PSPC1: variants seen among roughly 807,000 people sequenced by gnomAD.
PSPC1 encodes paraspeckle protein 1.
Under a neutral mutation model 51.6 loss-of-function variants are expected in PSPC1, and 14 were observed. That is an observed-to-expected ratio of 0.27 (90% confidence interval 0.18 to 0.42). PSPC1 has a LOEUF of 0.42. PSPC1 is among the 10% of genes least tolerant of loss of function. PSPC1 has a pLI of 1.00. For synonymous variants in PSPC1, 193 were observed against 231.9 expected, an observed-to-expected ratio of 0.83 and a Z score of 1.53; for missense variants, 406 against 701.1, an observed-to-expected ratio of 0.58 and a Z score of 4.75.
chr13:19,736,865 T>G (rs994315768), intron 5 of PSPC1: 1 of 152,176 alleles, frequency 6.6e-6, no homozygotes, highest in African/African-American at 2.4e-5. Context: ...AATATTATAA[T>G]TAACTATAGA....
intron 4 of PSPC1, among the ~76,000 whole-genome samples, chr13:19,750,820 A>G (rs1886470227): frequency 6.6e-6 from 1 of 151,760 alleles, no homozygotes; most frequent in Admixed American, 6.6e-5. Flanking sequence ...CCCAGGCTGG[A>G]GCACAATGAT....
At chr13:19,690,867 G>A (rs1295774382) in intron 6 of PSPC1, among the ~76,000 whole-genome samples, 2 of 151,982 alleles carry the variant, frequency 1.3e-5, no homozygotes, top group Non-Finnish European at 2.9e-5. Flanking sequence ...CTATTTACTC[G>A]TCCTCCCTGC....
intron 6 of PSPC1, among the ~76,000 whole-genome samples, chr13:19,720,900 C>A (rs950984691): frequency 6.6e-6 from 1 of 152,042 alleles, no homozygotes; most frequent in African/African-American, 2.4e-5. Flanking sequence ...CAATCTAACT[C>A]AAATAAGTAA....
intron 6 of PSPC1, among the ~76,000 whole-genome samples, chr13:19,695,980 G>A (rs1190389625): frequency 1.3e-5 from 2 of 152,082 alleles, no homozygotes; most frequent in Admixed American, 6.6e-5. Flanking sequence ...AGCCACCATG[G>A]GGTAGAAGCA....
intron 6 of PSPC1, among the ~76,000 whole-genome samples, chr13:19,723,776 C>A (rs1883050112): frequency 6.6e-6 from 1 of 152,050 alleles, no homozygotes; most frequent in South Asian, 2.1e-4. Flanking sequence ...CAATTATGTA[C>A]CGTGCCAAAT....
intron 7 of PSPC1, chr13:19,677,624 A>T (rs1195346406): frequency 2.6e-6 from 1 of 392,038 alleles, no homozygotes; most frequent in Non-Finnish European, 5.0e-6. Flanking sequence ...TCTTCATTAC[A>T]GTCCACAGAA....
chr13:19,720,888 A>T (rs1882689069), intron 6 of PSPC1, among the ~76,000 whole-genome samples: 1 of 152,144 alleles, frequency 6.6e-6, no homozygotes. Context: ...AATTATAATT[A>T]TCAATCTAAC....
chr13:19,719,732 A>G (rs1399547880), intron 6 of PSPC1, among the ~76,000 whole-genome samples: 1 of 152,250 alleles, frequency 6.6e-6, no homozygotes, highest in Non-Finnish European at 1.5e-5. Context: ...CTGTTTTTTA[A>G]TACATAGGGT....
intron 4 of PSPC1, among the ~76,000 whole-genome samples, chr13:19,750,443 AAAAC>A (rs1886419763): frequency 1.9e-5 from 2 of 105,986 alleles, no homozygotes; most frequent in South Asian, 4.0e-4. Flanking sequence ...AAAAAAACAA[AAAAC>A]AAACAAACAA....
chr13:19,683,341 C>G (rs1398138136), intron 6 of PSPC1, among the ~76,000 whole-genome samples: 1 of 152,160 alleles, frequency 6.6e-6, no homozygotes, highest in African/African-American at 2.4e-5. Context: ...GAATGAGAAC[C>G]ACGTACTGAT....
intron 3 of PSPC1, among the ~76,000 whole-genome samples, chr13:19,758,970 T>A (rs1289169901): frequency 2.0e-5 from 3 of 151,820 alleles, no homozygotes; most frequent in Admixed American, 1.3e-4. Flanking sequence ...AAAAAATTAG[T>A]ATGTTTTACC....
chr13:19,757,398 G>A (rs1245692581), intron 3 of PSPC1, among the ~76,000 whole-genome samples: 1 of 152,050 alleles, frequency 6.6e-6, no homozygotes, highest in Non-Finnish European at 1.5e-5. Context: ...CGAGAGTTCC[G>A]TGATCCCCAA....
At chr13:19,674,344 T>C (rs761260405), downstream of PSPC1, among the ~76,000 whole-genome samples, 21 of 152,234 alleles carry the variant, frequency 1.4e-4, no homozygotes, top group Non-Finnish European at 2.1e-4. Flanking sequence ...GAAAAACTAT[T>C]CCATTTTTAT....
At chr13:19,684,259 T>C (rs995884221) in intron 6 of PSPC1, among the ~76,000 whole-genome samples, 3 of 152,210 alleles carry the variant, frequency 2.0e-5, no homozygotes, top group Admixed American at 1.3e-4. Flanking sequence ...AGAAAAAAAC[T>C]ACCATTGATC....
chr13:19,677,043 G>T (rs536055289), intron 7 of PSPC1, among the ~76,000 whole-genome samples: 1 of 152,018 alleles, frequency 6.6e-6, no homozygotes, highest in Non-Finnish European at 1.5e-5. Context: ...GACCATCCTG[G>T]CTAACACAGT....
chr13:19,713,711 A>G (rs980436263), intron 6 of PSPC1, among the ~76,000 whole-genome samples: 2 of 152,186 alleles, frequency 1.3e-5, no homozygotes, highest in African/African-American at 4.8e-5. Context: ...TTAACAGATG[A>G]CCAAAAAAGG....
Position 19,703,364 on chromosome 13 carries a change from TGA to T in PSPC1, c.1387-6_1387-5del. ...CTTGAGGAAATCTGTCATTGTGCTA[TGA>T]TACCACACAATAAGGAATAGAATAT... is the stretch of plus-strand genomic sequence containing the variant. On this transcript the variant is annotated splice_polypyrimidine_tract_variant and splice_region_variant and intron_variant, in intron 8 of 8. Coordinates refer to ENST00000338910, the MANE Select transcript of PSPC1 (RefSeq NM_001354909.2). 6.3e-7 allele frequency: 1 copy of T among 1,582,302 alleles called. No individual in the cohort carries two copies. Among genetic ancestry groups the T allele is most frequent in the South Asian group, 1.1e-5 (1 of 89,902 alleles).
intron 6 of PSPC1, among the ~76,000 whole-genome samples, chr13:19,696,711 G>A (rs1487872960): frequency 6.6e-6 from 1 of 152,158 alleles, no homozygotes; most frequent in Non-Finnish European, 1.5e-5. Context: ...ATGAGGGTAA[G>A]TAAAGACAGG....
intron 7 of PSPC1, among the ~76,000 whole-genome samples, chr13:19,707,777 CTATTT>C (rs1880889769): frequency 6.6e-6 from 1 of 152,100 alleles, no homozygotes; most frequent in African/African-American, 2.4e-5. Flanking sequence ...AAGTTTTATA[CTATTT>C]TAAAGTTTAG....
Sources: gnomAD v4.1 joint callset for allele counts (sites outside exome capture counted in the v4.1 genomes callset) on GRCh38, gnomAD v4.1.1 for gene constraint, MANE v1.5 for transcripts, NCBI Gene and HGNC (gene_info 2026-07-23, HGNC 2026-07-21) for gene names.